Variants in STAC2 observed in about 807,000 individuals in gnomAD.
STAC2 encodes SH3 and cysteine rich domain 2, also known as SH3 and cysteine-rich domain-containing protein 2.
STAC2 carries 36 observed loss-of-function variants against 49.0 expected under a neutral mutation model. The observed-to-expected ratio is 0.74, with a 90% CI of 0.56 to 0.97. The LOEUF is 0.97. Among genes scored for constraint, STAC2 ranks in the 50% least tolerant of loss-of-function variants. STAC2 has a pLI of 0.00. For synonymous variants in STAC2, 239 were observed against 214.7 expected (o/e 1.11, Z -0.99); for missense variants, 527 against 543.8 (o/e 0.97, Z 0.31).
chr17:39,222,073 C>G (rs111496424), intron 1 of STAC2, among the ~76,000 whole-genome samples: 2,363 of 152,284 alleles, frequency 0.016, 40 homozygotes, highest in Middle Eastern at 0.065. Flanking sequence ...GCCTATCAGC[C>G]CTCCTTCCTC....
At chr17:39,214,486 TCACC>T in intron 7 of STAC2, 156 bp from the exon 8 acceptor site, 1 of 980,430 alleles carries the variant, frequency 1.0e-6, no homozygotes, top group Non-Finnish European at 1.2e-6. Flanking sequence ...CATGCTATGC[TCACC>T]CACCCCAAAG....
intron 2 of STAC2, 96 bp downstream of exon 2, chr17:39,217,771 C>G: frequency 7.9e-7 from 1 of 1,265,242 alleles, no homozygotes; most frequent in Non-Finnish European, 1.1e-6. Flanking sequence ...GGCTCCTGAA[C>G]AGCAAGAGCC....
Position 39,225,598 on chromosome 17 carries a change from G to A in STAC2, c.-96C>T. 8.5e-7 allele frequency: 1 copy of A among 1,177,714 alleles called. No individual in the cohort carries two copies. Among genetic ancestry groups the A allele is most frequent in the Non-Finnish European group, 1.2e-6 (1 of 813,594 alleles). 73.0% of individuals were successfully genotyped at this position (1,177,714 alleles called of 1,614,324 possible). On this transcript the variant is annotated 5_prime_UTR_variant, in exon 1 of 11. In the 5' UTR this introduces an upstream ATG that the reference lacks. Transcript: ENST00000333461. The surrounding 1 kb of genome is among the most constrained non-coding windows in gnomAD (Gnocchi z 8.2). ...CGGGCGTCTCCGGGACTCTGAAGCC[G>A]TTCTCCAGAGGCTGCCCCCAGTTAG...
chr17:39,219,768 C>A (rs115313127), intron 1 of STAC2, among the ~76,000 whole-genome samples: 1,600 of 152,340 alleles, frequency 0.011, 29 homozygotes, highest in African/African-American at 0.036. Context: ...CCTCTTGACC[C>A]AGAGCCTTGG....
In STAC2 at chr17:39,225,414, T is replaced by C; in HGVS notation, c.89A>G (p.Lys30Arg). The C allele has an allele frequency of 6.2e-7, 1 of 1,601,306 alleles. No homozygotes were observed. Among genetic ancestry groups the C allele is most frequent in the Non-Finnish European group, 8.5e-7 (1 of 1,176,270 alleles). ...CAGGCCTTGCGCCCCCCAAGTTACC[T>C]TGGTTTCCTGGAGGGCGGAGACGGT... is the stretch of plus-strand genomic sequence containing the variant. ...PGTVSALQET[K>R]LQRFKRSLSL... Residue 30 changes from lysine to arginine, a missense_variant and splice_region_variant, in exon 1 of 11, where the codon AAG becomes AGG. By Grantham distance (26) the Lys-to-Arg change is conservative. Coordinates refer to ENST00000333461, the MANE Select transcript of STAC2 (RefSeq NM_198993.5). The surrounding 1 kb of genome is among the most constrained non-coding windows in gnomAD (Gnocchi z 8.2).
rs2046359724 is a variant in STAC2, at chr17:39,212,153, T to TA, written c.*138dup. The TA allele has an allele frequency of 2.3e-6, 1 of 442,230 alleles. No homozygotes were observed. Among genetic ancestry groups the TA allele is most frequent in the Non-Finnish European group, 4.1e-6 (1 of 243,632 alleles). The allele number at this position is 442,230 out of a possible 1,614,324, so 27.4% of individuals were successfully genotyped here. A position where few individuals can be genotyped will look rare whatever the true frequency, so the allele number is the denominator to read the frequency against. On this transcript the variant is annotated 3_prime_UTR_variant, in exon 11 of 11. Transcript: ENST00000333461. ...AATCTTCCCCAGTACAAAAGGCTCC[T>TA]AAGCCACGGTAAGTGGCACCTAGGA...
chr17:39,212,632 C>T (rs1021178670), intron 10 of STAC2, among the ~76,000 whole-genome samples: 2 of 152,194 alleles, frequency 1.3e-5, no homozygotes, highest in African/African-American at 2.4e-5. Context: ...GGAGATTAGC[C>T]GCTGTACTGC....
Position 39,225,470 on chromosome 17 carries a change from CG to C in STAC2, c.32del (p.Pro11ArgfsTer58). 1 of 1,610,276 alleles carries C rather than the reference CG, an allele frequency of 6.2e-7. No individual in the cohort carries two copies. Among genetic ancestry groups the C allele is most frequent in the Non-Finnish European group, 8.5e-7 (1 of 1,178,778 alleles). On this transcript the variant is annotated frameshift_variant, in exon 1 of 11. Coordinates refer to ENST00000333461, the MANE Select transcript of STAC2 (RefSeq NM_198993.5). LOFTEE classifies it high-confidence loss of function. The surrounding 1 kb of genome is among the most constrained non-coding windows in gnomAD (Gnocchi z 8.2). ...GGGGGCTGTGGGTGGCCGCGTCATC[CG>C]GTTCGTTCTCCTTCTCGCTCATCTC... MTEMSEKENEPDDAATHSPPG... is the reference protein window; with the variant it reads MTEMSEKENEXDDAATHSPPG...
At chr17:39,218,244 T>C in intron 1 of STAC2, 71 bp from the exon 2 acceptor site, 1 of 1,542,576 alleles carries the variant, frequency 6.5e-7, no homozygotes. Context: ...CCCTTCAGGG[T>C]GTCTCTGGCG....
At position 39,215,224 on chromosome 17, in the gene STAC2, C is replaced by T; in HGVS notation, c.593G>A (p.Ser198Asn). 6.2e-7 allele frequency: 1 copy of T among 1,614,016 alleles called. No individual in the cohort carries two copies. Among genetic ancestry groups the T allele is most frequent in the Middle Eastern group, 1.6e-4 (1 of 6,062 alleles). ...CTCGTAGACAGGGTCCACCTTCCCA[C>T]TGTCCCCTGCAGATTATCCACCCTC... is the stretch of plus-strand genomic sequence containing the variant. The part of the protein sequence containing the change: ...TSKESPPTGD[S>N]GKVDPVYETL... Residue 198 changes from serine (S) to asparagine (N), a missense_variant, in exon 5 of 11, where the codon AGT becomes AAT. By Grantham distance (46) the Ser-to-Asn change is conservative. Coordinates refer to ENST00000333461, the MANE Select transcript of STAC2 (RefSeq NM_198993.5).
rs890039662 is a variant in STAC2 at position 39,210,616 on chromosome 17, T to C, written c.*1676A>G. ...ACCCATCATGCAGCCTCATGTACAG[T>C]GGGCATTGGGCCCGCCCCTGGGATA... On this transcript the variant is annotated 3_prime_UTR_variant, in exon 11 of 11. Transcript: ENST00000333461. 1 of 148,982 alleles carries C rather than the reference T, an allele frequency of 6.7e-6. No individual in the cohort carries two copies. Among genetic ancestry groups the C allele is most frequent in the African/African-American group, 2.5e-5 (1 of 40,310 alleles). 9.2% of individuals were successfully genotyped at this position (148,982 alleles called of 1,614,324 possible).
At chr17:39,223,941 A>AG (rs1432476473) in intron 1 of STAC2, among the ~76,000 whole-genome samples, 5 of 152,112 alleles carry the variant, frequency 3.3e-5, no homozygotes, top group African/African-American at 1.2e-4. Flanking sequence ...GGCTCTCTAA[A>AG]GGGGAGTCAG....
rs2085736378 is a variant in STAC2 at position 39,214,238 on chromosome 17, A to T, written c.936T>A (p.Ala312=). The T allele has an allele frequency of 6.2e-7, 1 of 1,613,784 alleles. No individual in the cohort carries two copies. Among genetic ancestry groups the T allele is most frequent in the Non-Finnish European group, 8.5e-7 (1 of 1,179,866 alleles). ...KFLPQENNDL[A]LQPGDRIMLV... ...AGGTCACAAAGAGGACTTACTGCAG[A>T]GCCAGATCATTGTTCTCCTGGGGCA... The change falls in exon 8 of 11, where the codon GCT becomes GCA. Residue 312 remains alanine (A), a synonymous_variant. Coordinates refer to ENST00000333461, the MANE Select transcript of STAC2 (RefSeq NM_198993.5).
chr17:39,214,508 G>A (rs2046383735), intron 7 of STAC2, 178 bp from the exon 8 acceptor site: 5 of 955,502 alleles, frequency 5.2e-6, no homozygotes, highest in Non-Finnish European at 6.2e-6. Flanking sequence ...AAGCGCACTG[G>A]GACGGGAATG....
chr17:39,216,689 GC>G, intron 4 of STAC2, 120 bp downstream of exon 4: 1 of 923,562 alleles, frequency 1.1e-6, no homozygotes. Context: ...TGCAACCTCC[GC>G]CTCCTGGGTT....
chr17:39,225,750 G>C lies in STAC2; in HGVS notation c.-248C>G, dbSNP rs2046508470. Reference sequence around the variant, plus strand: ...CCCCGGGCGCGAGGACCGAGGGTCTGCAGAGGATGCTGCTCGCAGCGCGGG... The same window carrying C: ...CCCCGGGCGCGAGGACCGAGGGTCTCCAGAGGATGCTGCTCGCAGCGCGGG... On this transcript the variant is annotated 5_prime_UTR_variant, in exon 1 of 11. Coordinates refer to ENST00000333461, the MANE Select transcript of STAC2 (RefSeq NM_198993.5). The surrounding 1 kb of genome is among the most constrained non-coding windows in gnomAD (Gnocchi z 8.2). 1.9e-6 allele frequency: 1 copy of C among 538,282 alleles called. No homozygotes were observed. The highest frequency in any genetic ancestry group is 2.1e-5 in the South Asian group (1 of 48,238). 33.3% of individuals were successfully genotyped at this position (538,282 alleles called of 1,614,324 possible). A position where few individuals can be genotyped will look rare whatever the true frequency, so the allele number is the denominator to read the frequency against.
Position 39,225,519 on chromosome 17 carries a change from A to C in STAC2, c.-17T>G. ...CTCGGTCATGGTTCGGGGAGAGGGG[A>C]GGAGAGGGTGCCGAGATCCGACGGC... is the stretch of plus-strand genomic sequence containing the variant. On this transcript the variant is annotated 5_prime_UTR_variant, in exon 1 of 11. Coordinates refer to ENST00000333461, the MANE Select transcript of STAC2 (RefSeq NM_198993.5). The surrounding 1 kb of genome is among the most constrained non-coding windows in gnomAD (Gnocchi z 8.2). 1 of 1,608,154 alleles carries C rather than the reference A, an allele frequency of 6.2e-7. No homozygotes were observed.
chr17:39,213,181 T>C (rs1400701400), intron 9 of STAC2, 49 bp from the exon 10 acceptor site: 2 of 1,594,650 alleles, frequency 1.3e-6, no homozygotes, highest in Non-Finnish European at 1.7e-6. Context: ...CCACCCCTGC[T>C]GCCCACCACT....
Position 39,214,996 on chromosome 17 carries a change from C to T in STAC2, c.727G>A (p.Gly243Arg). The T allele has an allele frequency of 1.2e-6, 2 of 1,614,128 alleles. No individual in the cohort carries two copies. The highest frequency in any genetic ancestry group is 1.7e-6 in the Non-Finnish European group (2 of 1,180,010). ...TCAGAGCTGCGGATGCTGCCTTCCCCATCCTCGGTCAGCTCATCCCGCTCA... is the reference window on the plus strand; with the variant it reads ...TCAGAGCTGCGGATGCTGCCTTCCCTATCCTCGGTCAGCTCATCCCGCTCA... ...LSERDELTED[G>R]EGSIRSSEEG... is the part of the protein sequence containing the mutation. The change falls in exon 6 of 11, where the codon GGG becomes AGG. Residue 243 changes from glycine to arginine, a missense_variant. Transcript: ENST00000333461.
Sources: allele counts gnomAD v4.1 joint callset (sites outside exome capture counted in the v4.1 genomes callset), GRCh38; gene constraint gnomAD v4.1.1; non-coding constraint Gnocchi (gnomAD v3.1); transcripts MANE v1.5; gene names NCBI Gene and HGNC (gene_info 2026-07-23, HGNC 2026-07-21).